RBMS3: variants seen among roughly 807,000 people sequenced by gnomAD.
RBMS3 encodes the protein RNA binding motif single stranded interacting protein 3.
Under a neutral mutation model 66.8 loss-of-function variants are expected in RBMS3, and 27 were observed. The observed-to-expected ratio is 0.40, with a 90% CI of 0.30 to 0.56. The LOEUF (loss-of-function observed/expected upper bound fraction) is 0.56, where lower values mean the gene tolerates loss of function less well. Ranked by LOEUF, RBMS3 falls within the 20% of genes least tolerant of loss-of-function variation. The probability of loss-of-function intolerance (pLI) is 0.40; values close to 1 mark genes in which losing one functional copy is unlikely to be tolerated. For synonymous variants in RBMS3, 188 were observed against 183.0 expected, an observed-to-expected ratio of 1.03 and a Z score of -0.22; for missense variants, 513 against 549.5, an observed-to-expected ratio of 0.93 and a Z score of 0.66.
intron 3 of RBMS3, among the ~76,000 whole-genome samples, chr3:29,492,047 C>T (rs1217239303): frequency 6.6e-6 from 1 of 151,798 alleles, no homozygotes; most frequent in Non-Finnish European, 1.5e-5. Context: ...GAGGGTAATA[C>T]GAAGAAGGCA....
intron 3 of RBMS3, among the ~76,000 whole-genome samples, chr3:29,572,486 A>T (rs537278811): frequency 6.6e-6 from 1 of 152,244 alleles, no homozygotes; most frequent in African/African-American, 2.4e-5. Flanking sequence ...AGAGATGTTC[A>T]ATTTTTTCAA....
At chr3:29,980,520 T>G (rs1427963862) in intron 12 of RBMS3, among the ~76,000 whole-genome samples, 2 of 152,218 alleles carry the variant, frequency 1.3e-5, no homozygotes, top group Admixed American at 1.3e-4. Context: ...GCCTATGTCC[T>G]GGATGATACT....
intron 1 of RBMS3, among the ~76,000 whole-genome samples, chr3:29,422,619 A>G (rs1182017343): frequency 6.6e-6 from 1 of 152,082 alleles, no homozygotes; most frequent in African/African-American, 2.4e-5. Context: ...AATAAATTTG[A>G]TAATGTAAAT....
chr3:29,354,304 A>G (rs960778046), intron 1 of RBMS3, among the ~76,000 whole-genome samples: 3 of 152,126 alleles, frequency 2.0e-5, no homozygotes, highest in Admixed American at 1.3e-4. Context: ...TAATTTCCAC[A>G]AGTATTTTAT....
chr3:29,461,920 A>ATT lies in RBMS3; in HGVS notation c.249-26493_249-26492dup, dbSNP rs61115023. Among the ~76,000 whole-genome samples, 92 of 93,292 alleles carry ATT rather than the reference A, an allele frequency of 9.9e-4. 1 individual carries two copies. The highest frequency in any genetic ancestry group is 2.2e-3 in the African/African-American group (53 of 24,452). 61.2% of individuals were successfully genotyped at this position (93,292 alleles called of 152,430 possible). The stretch of plus-strand genomic sequence containing the variant: ...AGGCACCCGCCACCATGCCCGGCTA[A>ATT]TTTTTTTTTTTTTTTTTTTTTTTTT... On this transcript the variant is annotated intron_variant, in intron 2 of 14. Transcript: ENST00000383767.
At chr3:29,287,409 GA>G (rs2125416350) in intron 1 of RBMS3, among the ~76,000 whole-genome samples, 1 of 152,096 alleles carries the variant, frequency 6.6e-6, no homozygotes, top group Admixed American at 6.5e-5. Context: ...ACTATTGTAA[GA>G]AAACCTTCAT....
chr3:29,764,493 C>A (rs2055841179), intron 6 of RBMS3, among the ~76,000 whole-genome samples: 1 of 151,666 alleles, frequency 6.6e-6, no homozygotes. Context: ...CTATTTCATC[C>A]AACGGATACC....
chr3:29,719,148 A>G (rs1055201039), intron 4 of RBMS3, among the ~76,000 whole-genome samples: 3 of 152,160 alleles, frequency 2.0e-5, no homozygotes, highest in Non-Finnish European at 4.4e-5. Flanking sequence ...TCCATTTCTA[A>G]TGATTCCTCA....
chr3:29,381,386 T>C (rs528185204), intron 1 of RBMS3, among the ~76,000 whole-genome samples: 26 of 152,298 alleles, frequency 1.7e-4, no homozygotes, highest in Non-Finnish European at 2.9e-4. Flanking sequence ...CTACCTTTTT[T>C]CTCTACTAAG....
At chr3:29,357,858 T>A (rs930419030) in intron 1 of RBMS3, among the ~76,000 whole-genome samples, 24 of 152,200 alleles carry the variant, frequency 1.6e-4, no homozygotes, top group African/African-American at 5.5e-4. Context: ...TTTTGAGAAG[T>A]GTCTGTTCAT....
chr3:29,988,591 C>T (rs756801121), intron 13 of RBMS3, among the ~76,000 whole-genome samples: 7 of 152,010 alleles, frequency 4.6e-5, no homozygotes, highest in Non-Finnish European at 1.0e-4. Context: ...AGAGTGGTTC[C>T]TAGACCAGCA....
intron 4 of RBMS3, among the ~76,000 whole-genome samples, chr3:29,628,058 C>G (rs1389929400): frequency 6.6e-6 from 1 of 152,096 alleles, no homozygotes. Context: ...GGATTAAAAA[C>G]CCAATACCAT....
chr3:29,754,061 G>A (rs1403301352), intron 5 of RBMS3, among the ~76,000 whole-genome samples: 2 of 151,946 alleles, frequency 1.3e-5, no homozygotes, highest in Non-Finnish European at 2.9e-5. Flanking sequence ...AGGTTCAAGG[G>A]ATCCTCTTGC....
chr3:29,784,249 T>G (rs1195817022), intron 6 of RBMS3, among the ~76,000 whole-genome samples: 1 of 152,144 alleles, frequency 6.6e-6, no homozygotes, highest in Non-Finnish European at 1.5e-5. Context: ...ATATACATTC[T>G]ATTCATCAGC....
chr3:29,340,273 C>T (rs907558824), intron 1 of RBMS3, among the ~76,000 whole-genome samples: 1 of 152,102 alleles, frequency 6.6e-6, no homozygotes, highest in African/African-American at 2.4e-5. Flanking sequence ...AATGGTGTCC[C>T]TCTAAGTGAA....
chr3:29,693,154 C>T (rs976000296), intron 4 of RBMS3, among the ~76,000 whole-genome samples: 1 of 152,100 alleles, frequency 6.6e-6, no homozygotes, highest in Non-Finnish European at 1.5e-5. Flanking sequence ...GATAGAAATA[C>T]AACACTCTTC....
intron 2 of RBMS3, among the ~76,000 whole-genome samples, chr3:29,470,221 G>C (rs576259858): frequency 6.6e-6 from 1 of 151,900 alleles, no homozygotes; most frequent in Non-Finnish European, 1.5e-5. Context: ...CATGTTTTAA[G>C]TTTTTTGAAT....
chr3:29,782,197 T>C (rs1445743528), intron 6 of RBMS3, among the ~76,000 whole-genome samples: 1 of 152,064 alleles, frequency 6.6e-6, no homozygotes, highest in Non-Finnish European at 1.5e-5. Flanking sequence ...TCTTGAAAGC[T>C]CCACCTCCTA....
intron 6 of RBMS3, among the ~76,000 whole-genome samples, chr3:29,803,993 A>G (rs2057466870): frequency 6.6e-6 from 1 of 152,092 alleles, no homozygotes; most frequent in South Asian, 2.1e-4. Flanking sequence ...TATAAAAATC[A>G]TACAAAATCA....
Sources: gnomAD v4.1 joint callset for allele counts (sites outside exome capture counted in the v4.1 genomes callset) on GRCh38, gnomAD v4.1.1 for gene constraint, MANE v1.5 for transcripts, NCBI Gene and HGNC (gene_info 2026-07-23, HGNC 2026-07-21) for gene names.